Variants in MDN1 observed in about 807,000 individuals in gnomAD.
MDN1 encodes the protein midasin AAA ATPase 1.
MDN1 carries 266 observed loss-of-function variants against 669.2 expected under a neutral mutation model. The observed-to-expected ratio is 0.40, with a 90% CI of 0.36 to 0.44. The LOEUF is 0.44. Ranked by LOEUF, MDN1 falls within the 20% of genes least tolerant of loss-of-function variation. The pLI, the probability that MDN1 is intolerant of heterozygous loss-of-function variation, is 1.00. For synonymous variants in MDN1, 2,385 were observed against 2,457.1 expected (o/e 0.97, Z 0.87); for missense variants, 5,940 against 6,754.0 (o/e 0.88, Z 4.22).
intron 14 of MDN1, among the ~76,000 whole-genome samples, 167 bp from the exon 15 acceptor site, chr6:89,771,788 A>G (rs1475779544): frequency 6.6e-6 from 1 of 152,120 alleles, no homozygotes; most frequent in African/African-American, 2.4e-5. Flanking sequence ...GGCTCACTGC[A>G]GCCTCAACTT....
At chr6:89,752,398 C>A (rs6900021) in intron 22 of MDN1, among the ~76,000 whole-genome samples, 1 of 151,916 alleles carries the variant, frequency 6.6e-6, no homozygotes, top group African/African-American at 2.4e-5. Flanking sequence ...TACAATTTAC[C>A]GAAAGTATTT....
chr6:89,809,784 T>TAAAATA (rs370925781), intron 1 of MDN1, among the ~76,000 whole-genome samples: 7 of 112,578 alleles, frequency 6.2e-5, no homozygotes, highest in East Asian at 2.7e-4. Flanking sequence ...TCAAAATAAA[T>TAAAATA]AAATAAAATA....
chr6:89,723,768 T>C, intron 38 of MDN1, 149 bp from the exon 39 acceptor site: 1 of 485,720 alleles, frequency 2.1e-6, no homozygotes. Flanking sequence ...TTTCTTTTTT[T>C]GTGTTTTGAG....
intron 1 of MDN1, 51 bp downstream of exon 1, chr6:89,819,455 A>T: frequency 1.3e-6 from 2 of 1,514,562 alleles, no homozygotes; most frequent in Non-Finnish European, 1.8e-6. Context: ...GAAGCTTACT[A>T]GTGGGGCGAC....
chr6:89,745,015 AT>A (rs2128317650), intron 29 of MDN1, among the ~76,000 whole-genome samples: 2 of 148,354 alleles, frequency 1.3e-5, no homozygotes, highest in South Asian at 4.3e-4. Context: ...GTGCAGGCTT[AT>A]TACATAGGTA....
Position 89,712,085 on chromosome 6 carries a change from G to A in MDN1, c.7602C>T (p.Leu2534=). The stretch of plus-strand genomic sequence containing the variant: ...CTAAATGATAAAGCCATTTAACTCT[G>A]AGCATCCAATCCTGATTGGTTGCTC... ...IERATNQDWM[L]RVKWLYHLAK... The change falls in exon 49 of 102, where the codon CTC becomes CTT. Residue 2534 remains leucine (L), a synonymous_variant. Coordinates refer to ENST00000369393, the MANE Select transcript of MDN1 (RefSeq NM_014611.3). 1 of 1,614,104 alleles carries A rather than the reference G, an allele frequency of 6.2e-7. No homozygotes were observed. The highest frequency in any genetic ancestry group is 8.5e-7 in the Non-Finnish European group (1 of 1,179,992).
At chr6:89,763,124 CAT>C (rs1817636990) in intron 15 of MDN1, among the ~76,000 whole-genome samples, 1 of 152,050 alleles carries the variant, frequency 6.6e-6, no homozygotes, top group Non-Finnish European at 1.5e-5. Flanking sequence ...ATTTTACCAA[CAT>C]GTCTAAATAA....
intron 76 of MDN1, 147 bp from the exon 77 acceptor site, chr6:89,676,354 C>T: frequency 1.5e-6 from 1 of 681,028 alleles, no homozygotes; most frequent in Admixed American, 2.2e-5. Flanking sequence ...TTCAGTGAGG[C>T]ACTCATTAGT....
At chr6:89,743,334 A>C in intron 30 of MDN1, 54 bp from the exon 31 acceptor site, 1 of 1,603,492 alleles carries the variant, frequency 6.2e-7, no homozygotes, top group Admixed American at 1.7e-5. Flanking sequence ...CACAGACAAT[A>C]TACATGCAGC....
chr6:89,699,487 A>G, intron 58 of MDN1, 114 bp downstream of exon 58: 1 of 1,255,824 alleles, frequency 8.0e-7, no homozygotes, highest in Non-Finnish European at 1.1e-6. Flanking sequence ...AAAAAACCTG[A>G]GGTTTCCAAT....
chr6:89,804,061 C>T (rs1282837140), intron 1 of MDN1, among the ~76,000 whole-genome samples: 1 of 151,560 alleles, frequency 6.6e-6, no homozygotes. Flanking sequence ...CCACACCAGG[C>T]TAATTTTTGT....
At chr6:89,792,341 C>T (rs1334853438) in intron 5 of MDN1, among the ~76,000 whole-genome samples, 1 of 152,102 alleles carries the variant, frequency 6.6e-6, no homozygotes, top group Non-Finnish European at 1.5e-5. Context: ...GGGTTGTCCT[C>T]TCATAAATTT....
chr6:89,783,141 G>C (rs1020645064), intron 9 of MDN1, among the ~76,000 whole-genome samples: 1 of 152,056 alleles, frequency 6.6e-6, no homozygotes, highest in African/African-American at 2.4e-5. Context: ...CTGCCTGCAG[G>C]GTCAGGCAAA....
In MDN1 at chr6:89,644,080, T is replaced by C; in HGVS notation, c.16716A>G (p.Val5572=). The change falls in exon 102 of 102, where the codon GTA becomes GTG. Residue 5572 remains valine (V), a synonymous_variant. Transcript: ENST00000369393. ...PFPYYIILRD[V]NALPETLSDA... ...CGCTGAGTGTCTCAGGAAGTGCGTTTACATCTCGAAGAATGATATAGTATG... is the reference window on the plus strand; with the variant it reads ...CGCTGAGTGTCTCAGGAAGTGCGTTCACATCTCGAAGAATGATATAGTATG... 2 of 1,614,142 alleles carry C rather than the reference T, an allele frequency of 1.2e-6. No homozygotes were observed. The highest frequency in any genetic ancestry group is 1.7e-6 in the Non-Finnish European group (2 of 1,180,018).
Position 89,747,322 on chromosome 6 carries a change from AAC to A in MDN1, c.3904+5_3904+6del. On this transcript the variant is annotated splice_donor_5th_base_variant and intron_variant, in intron 27 of 101. Coordinates refer to ENST00000369393, the MANE Select transcript of MDN1 (RefSeq NM_014611.3). ...TATATATTGAGAGCATTTGATTGAA[AAC>A]ACACCATCATTGGCTAAATGCTGTA... The A allele has an allele frequency of 1.2e-6, 2 of 1,607,568 alleles. No homozygotes were observed. Among genetic ancestry groups the A allele is most frequent in the Non-Finnish European group, 1.7e-6 (2 of 1,178,556 alleles).
At chr6:89,649,426 A>G (rs887885962) in intron 97 of MDN1, among the ~76,000 whole-genome samples, 2 of 152,250 alleles carry the variant, frequency 1.3e-5, no homozygotes, top group African/African-American at 4.8e-5. Flanking sequence ...CCAGCAGAAC[A>G]TACAAATTTT....
Position 89,685,913 on chromosome 6 carries a change from G to T in MDN1, c.11633C>A (p.Ser3878Tyr). 6.2e-7 allele frequency: 1 copy of T among 1,614,098 alleles called. No individual in the cohort carries two copies. The highest frequency in any genetic ancestry group is 8.5e-7 in the Non-Finnish European group (1 of 1,180,002). Residue 3878 changes from serine (S) to tyrosine (Y), a missense_variant, in exon 70 of 102, where the codon TCC becomes TAC. Physicochemically the swap from Ser to Tyr is moderately radical, Grantham distance 144. This residue lies in a region of MDN1 where 2,280 missense variants were observed against 2,576.3 expected (regional missense o/e 0.88). Coordinates refer to ENST00000369393, the MANE Select transcript of MDN1 (RefSeq NM_014611.3). ...TCGCACATGGAACTCTCCCAGCGAG[G>T]ATCCTTCAATAAATGCTTGTAATGT... ...VSTLQAFIEG[S>Y]SLGEFHVRLQ... is the part of the protein sequence containing the mutation.
chr6:89,671,219 G>T, intron 82 of MDN1, 139 bp from the exon 83 acceptor site: 1 of 871,026 alleles, frequency 1.1e-6, no homozygotes, highest in Non-Finnish European at 1.7e-6. Context: ...ACATGTATGT[G>T]TTTGTAACCT....
intron 84 of MDN1, among the ~76,000 whole-genome samples, chr6:89,666,089 T>C (rs1584125761): frequency 6.6e-6 from 1 of 152,096 alleles, no homozygotes; most frequent in Non-Finnish European, 1.5e-5. Context: ...AACACCTCCA[T>C]CCTCGAAGCC....
Sources: allele counts gnomAD v4.1 joint callset (sites outside exome capture counted in the v4.1 genomes callset), GRCh38; gene constraint gnomAD v4.1.1; regional missense constraint gnomAD v4.1.1; transcripts MANE v1.5; gene names NCBI Gene and HGNC (gene_info 2026-07-23, HGNC 2026-07-21).